The following GPC6 variants were observed in gnomAD, a reference collection of about 807,000 sequenced individuals.
The protein encoded by GPC6 is glypican 6, also known as glypican-6.
GPC6 carries 14 observed loss-of-function variants against 55.2 expected under a neutral mutation model. The observed-to-expected ratio is 0.25, with a 90% CI of 0.17 to 0.40. The LOEUF is 0.40. Ranked by LOEUF, GPC6 falls within the 10% of genes least tolerant of loss-of-function variation. GPC6 has a pLI of 1.00. For synonymous variants in GPC6, 278 were observed against 259.6 expected (o/e 1.07, Z -0.68); for missense variants, 641 against 708.5 (o/e 0.90, Z 1.08).
intron 2 of GPC6, among the ~76,000 whole-genome samples, chr13:93,672,659 A>G (rs1594360156): frequency 2.4e-5 from 1 of 41,276 alleles, no homozygotes; most frequent in African/African-American, 5.0e-5. Flanking sequence ...TATATATGCC[A>G]TATATATATA....
At chr13:93,856,374 A>G (rs570073630) in intron 3 of GPC6, among the ~76,000 whole-genome samples, 5 of 151,750 alleles carry the variant, frequency 3.3e-5, no homozygotes, top group African/African-American at 1.2e-4. Flanking sequence ...ATCAGCAAGT[A>G]TTAATGGAGC....
intron 2 of GPC6, among the ~76,000 whole-genome samples, chr13:93,621,162 C>G (rs1311667848): frequency 6.6e-6 from 1 of 152,012 alleles, no homozygotes; most frequent in African/African-American, 2.4e-5. Context: ...TATAATTACT[C>G]AAGAGCCAGG....
chr13:93,455,198 C>T (rs55780901), intron 1 of GPC6, among the ~76,000 whole-genome samples: 32,635 of 152,000 alleles, frequency 0.21, 3,593 homozygotes, highest in Middle Eastern at 0.29. Flanking sequence ...CTGAGGGAGC[C>T]GGCTCCGGCC....
intron 2 of GPC6, among the ~76,000 whole-genome samples, chr13:93,614,785 A>G (rs1878646649): frequency 6.6e-6 from 1 of 152,214 alleles, no homozygotes. Context: ...CCATTCAAGC[A>G]TAACACGTTT....
intron 1 of GPC6, among the ~76,000 whole-genome samples, chr13:93,506,767 G>C (rs1235556675): frequency 2.0e-5 from 3 of 150,708 alleles, no homozygotes; most frequent in African/African-American, 7.3e-5. Context: ...TAGGCCGGGC[G>C]TGGTGGCTCA....
intron 4 of GPC6, among the ~76,000 whole-genome samples, chr13:94,166,977 A>C (rs2138922996): frequency 6.6e-6 from 1 of 152,314 alleles, no homozygotes; most frequent in African/African-American, 2.4e-5. Context: ...GACTTAATAG[A>C]ATAATAAATT....
intron 3 of GPC6, among the ~76,000 whole-genome samples, chr13:93,983,973 T>C (rs1880917831): frequency 1.3e-5 from 2 of 152,070 alleles, no homozygotes; most frequent in African/African-American, 4.8e-5. Flanking sequence ...AAGAAAAAAA[T>C]TGAAAAGAAA....
At chr13:93,473,431 G>A (rs550490862) in intron 1 of GPC6, among the ~76,000 whole-genome samples, 11 of 152,300 alleles carry the variant, frequency 7.2e-5, no homozygotes, top group South Asian at 6.2e-4. Flanking sequence ...CTACAAGATC[G>A]GAGCAGGCAC....
intron 3 of GPC6, among the ~76,000 whole-genome samples, chr13:94,020,223 A>G (rs1478992413): frequency 6.6e-6 from 1 of 151,688 alleles, no homozygotes; most frequent in East Asian, 1.9e-4. Context: ...TTCCCTAGTG[A>G]TTTATTCCTT....
rs117854369 is a variant in GPC6, at chr13:93,505,726, G to A, written c.161-39537G>A. 1.5e-4 allele frequency among the ~76,000 whole-genome samples: 23 copies of A among 152,300 alleles called. No homozygotes were observed. In the East Asian group the frequency reaches 4.4e-3, roughly 29 times the overall value. On this transcript the variant is annotated intron_variant, in intron 1 of 8. Transcript: ENST00000377047. The stretch of plus-strand genomic sequence containing the variant: ...GACCATGAAAGGGGCACTTGTTTAA[G>A]TGTGACAATTGAAACAAGGCAAAGC...
At chr13:93,780,749 T>G (rs1329570731) in intron 2 of GPC6, among the ~76,000 whole-genome samples, 4 of 152,192 alleles carry the variant, frequency 2.6e-5, no homozygotes, top group African/African-American at 9.6e-5. Context: ...TGCATTTTAT[T>G]TTTAACTTTG....
chr13:93,564,378 A>G (rs544073106), intron 2 of GPC6, among the ~76,000 whole-genome samples: 1 of 152,166 alleles, frequency 6.6e-6, no homozygotes, highest in African/African-American at 2.4e-5. Flanking sequence ...TTGGGGAATG[A>G]AAATAGTCTT....
chr13:93,419,224 T>C (rs1001499735), intron 1 of GPC6, among the ~76,000 whole-genome samples: 1 of 151,610 alleles, frequency 6.6e-6, no homozygotes, highest in African/African-American at 2.4e-5. Context: ...AATGGGACTA[T>C]AAGAATAATA....
chr13:93,506,922 G>T (rs1314217905), intron 1 of GPC6, among the ~76,000 whole-genome samples: 3 of 150,314 alleles, frequency 2.0e-5, no homozygotes, highest in Non-Finnish European at 3.0e-5. Flanking sequence ...TTAGCCGGGC[G>T]TGGCGGCGGG....
At chr13:94,202,051 C>G (rs1194321689) in intron 4 of GPC6, among the ~76,000 whole-genome samples, 1 of 152,190 alleles carries the variant, frequency 6.6e-6, no homozygotes, top group Non-Finnish European at 1.5e-5. Context: ...TTTTCTCACT[C>G]CCCTGGCATT....
At chr13:93,613,579 G>T (rs1878586912) in intron 2 of GPC6, among the ~76,000 whole-genome samples, 1 of 151,086 alleles carries the variant, frequency 6.6e-6, no homozygotes, top group Admixed American at 6.6e-5. Context: ...AAGTGTGGAG[G>T]TTCCATTGAT....
At chr13:93,663,444 C>T (rs1171567076) in intron 2 of GPC6, among the ~76,000 whole-genome samples, 1 of 152,094 alleles carries the variant, frequency 6.6e-6, no homozygotes, top group Non-Finnish European at 1.5e-5. Flanking sequence ...TATTAAAGGT[C>T]TGTTAAGCTT....
At chr13:93,454,939 G>C (rs947387970) in intron 1 of GPC6, among the ~76,000 whole-genome samples, 1 of 152,238 alleles carries the variant, frequency 6.6e-6, no homozygotes, top group African/African-American at 2.4e-5. Flanking sequence ...CCGCAGGAAG[G>C]CAGCCAAGGC....
intron 6 of GPC6, among the ~76,000 whole-genome samples, chr13:94,372,021 G>C (rs1177398860): frequency 6.6e-6 from 1 of 152,106 alleles, no homozygotes. Flanking sequence ...AAATCCAGGA[G>C]TCAGTTTCTC....
Sources: gnomAD v4.1 joint callset for allele counts (sites outside exome capture counted in the v4.1 genomes callset) on GRCh38, gnomAD v4.1.1 for gene constraint, MANE v1.5 for transcripts, NCBI Gene and HGNC (gene_info 2026-07-23, HGNC 2026-07-21) for gene names.